The following PCDHGA10 variants were observed in gnomAD, a reference collection of about 807,000 sequenced individuals.
PCDHGA10 encodes the protein protocadherin gamma subfamily A, 10.
In PCDHGA10, 42 loss-of-function variants were observed where a neutral mutation model predicts 59.5. The observed-to-expected ratio is 0.71, with a 90% CI of 0.55 to 0.91. The LOEUF (loss-of-function observed/expected upper bound fraction) is 0.91, where lower values mean the gene tolerates loss of function less well. PCDHGA10 is among the 40% of genes least tolerant of loss of function. The probability of loss-of-function intolerance (pLI) is 0.00; values close to 1 mark genes in which losing one functional copy is unlikely to be tolerated. For synonymous variants in PCDHGA10, 511 were observed against 517.2 expected (o/e 0.99, Z 0.16); for missense variants, 1,111 against 1,198.2 (o/e 0.93, Z 1.07).
intron 3 of PCDHGA10, chr5:141,508,128 T>C (rs1490298338): frequency 6.6e-6 from 1 of 151,706 alleles, no homozygotes; most frequent in African/African-American, 2.4e-5. Context: ...CAGAGGGAGG[T>C]CAGGGAGCTG....
intron 1 of PCDHGA10, chr5:141,430,640 G>A (rs902915974): frequency 1.1e-6 from 1 of 916,196 alleles, no homozygotes; most frequent in East Asian, 2.7e-5. Flanking sequence ...ATCCCTGGGA[G>A]TATGTGGAAA....
At chr5:141,420,211 T>C (rs759486952) in intron 1 of PCDHGA10, 11 of 1,612,388 alleles carry the variant, frequency 6.8e-6, no homozygotes, top group African/African-American at 1.3e-5. Context: ...TCAACAAAGA[T>C]AGCATGCTAC....
In PCDHGA10 at chr5:141,432,582, T is replaced by A. The variant is rs1561862595; in HGVS notation, c.2436+16971T>A. 2 of 1,613,236 alleles carry A rather than the reference T, an allele frequency of 1.2e-6. No homozygotes were observed. The highest frequency in any genetic ancestry group is 1.7e-6 in the Non-Finnish European group (2 of 1,179,922). On this transcript the variant is annotated intron_variant, in intron 1 of 3. Transcript: ENST00000398610. This position sits in a 1 kb window ranked among gnomAD's most constrained non-coding sequence, Gnocchi z 6.0. ...CAGAACGCCTGGCTGTCCTACCGTC[T>A]GCTCAAGGCCAGCGAGCCGGGACTC...
Position 141,490,156 on chromosome 5 carries a change from G to T in PCDHGA10, c.2437-4651G>T. On this transcript the variant is annotated intron_variant, in intron 1 of 3. Coordinates refer to ENST00000398610, the MANE Select transcript of PCDHGA10 (RefSeq NM_018913.3). The surrounding 1 kb of genome is among the most constrained non-coding windows in gnomAD (Gnocchi z 5.4). ...TAGCAGTGGGGCAATCCATGTGTTG[G>T]GTCCCATAGACTTTGAGGAGTCACG... is the stretch of plus-strand genomic sequence containing the variant. 3.1e-6 allele frequency: 5 copies of T among 1,614,192 alleles called. No individual in the cohort carries two copies. Among genetic ancestry groups the T allele is most frequent in the Non-Finnish European group, 4.2e-6 (5 of 1,180,034 alleles).
intron 1 of PCDHGA10, among the ~76,000 whole-genome samples, chr5:141,437,723 G>A (rs2097904411): frequency 6.6e-6 from 1 of 150,736 alleles, no homozygotes; most frequent in South Asian, 2.1e-4. Context: ...ACCCTCTAAT[G>A]TTACACTTTG....
At position 141,487,641 on chromosome 5, in the gene PCDHGA10, T is replaced by C. The variant is rs1343702532; in HGVS notation, c.2437-7166T>C. The stretch of plus-strand genomic sequence containing the variant: ...GTGAGACCTTTGCAGGCTCAACAAA[T>C]GCTTGAGGGTTATTCTGATCCAGGC... On this transcript the variant is annotated intron_variant, in intron 1 of 3. Coordinates refer to ENST00000398610, the MANE Select transcript of PCDHGA10 (RefSeq NM_018913.3). The surrounding 1 kb of genome is among the most constrained non-coding windows in gnomAD (Gnocchi z 5.0). The C allele has an allele frequency of 6.2e-7, 1 of 1,614,122 alleles. No individual in the cohort carries two copies. Among genetic ancestry groups the C allele is most frequent in the Non-Finnish European group, 8.5e-7 (1 of 1,179,998 alleles).
chr5:141,444,472 C>A (rs559334960), intron 1 of PCDHGA10, among the ~76,000 whole-genome samples: 2 of 151,850 alleles, frequency 1.3e-5, no homozygotes, highest in Non-Finnish European at 2.9e-5. Context: ...CGCCCGGTCG[C>A]GTACTGGATT....
At chr5:141,479,619 T>C (rs1327758222) in intron 1 of PCDHGA10, 1 of 152,220 alleles carries the variant, frequency 6.6e-6, no homozygotes, top group Non-Finnish European at 1.5e-5. Flanking sequence ...AGGGAAACCA[T>C]GTCTCTTTAA....
chr5:141,469,436 G>A (rs556417221), intron 1 of PCDHGA10, among the ~76,000 whole-genome samples: 11 of 152,118 alleles, frequency 7.2e-5, no homozygotes, highest in East Asian at 1.9e-4. Flanking sequence ...TTAGCTGGGC[G>A]TGGTGGTGCA....
At position 141,510,984 on chromosome 5, in the gene PCDHGA10, C is replaced by A. The variant is rs375865663; in HGVS notation, c.2622C>A (p.Ala874=). 6.2e-7 allele frequency: 1 copy of A among 1,614,162 alleles called. No individual in the cohort carries two copies. The highest frequency in any genetic ancestry group is 8.5e-7 in the Non-Finnish European group (1 of 1,180,012). The part of the protein sequence containing the change: ...ADGSSTLGGG[A]GTMGLSARYG... The stretch of plus-strand genomic sequence containing the variant: ...GGAGCTCCACCCTGGGAGGGGGTGC[C>A]GGCACCATGGGATTGAGCGCCCGCT... Residue 874 remains alanine, a synonymous_variant, in exon 4 of 4, where the codon GCC becomes GCA. Coordinates refer to ENST00000398610, the MANE Select transcript of PCDHGA10 (RefSeq NM_018913.3).
chr5:141,465,430 C>T (rs1212434943), intron 1 of PCDHGA10, among the ~76,000 whole-genome samples: 2 of 152,150 alleles, frequency 1.3e-5, no homozygotes, highest in Non-Finnish European at 2.9e-5. Context: ...AAGGTGGGCA[C>T]TTAATGATTA....
In PCDHGA10 at chr5:141,505,323, G is replaced by T. The variant is rs996747379; in HGVS notation, c.2496-70G>T. 12 of 1,606,640 alleles carry T rather than the reference G, an allele frequency of 7.5e-6. No homozygotes were observed. In the African/African-American group the frequency reaches 1.5e-4, roughly 20 times the overall value. On this transcript the variant is annotated intron_variant, in intron 2 of 3. Transcript: ENST00000398610. Reference sequence around the variant, plus strand: ...TAGGGTACTAGGTTTGGGAGCCCTGGGAGAGGACAGGAGGGGCATGAGCTG... The same window carrying T: ...TAGGGTACTAGGTTTGGGAGCCCTGTGAGAGGACAGGAGGGGCATGAGCTG...
Position 141,414,899 on chromosome 5 carries a change from G to C in PCDHGA10, c.1724G>C (p.Gly575Ala), listed in dbSNP as rs756810046. ...EILYPALPTD[G>A]STGVELAPRS... The stretch of plus-strand genomic sequence containing the variant: ...CTGTACCCCGCCCTCCCCACAGACG[G>C]TTCCACAGGCGTGGAGCTGGCGCCC... Residue 575 changes from glycine (G) to alanine (A), a missense_variant, in exon 1 of 4, where the codon GGT becomes GCT. Gly to Ala is a moderately conservative substitution (Grantham distance 60). Coordinates refer to ENST00000398610, the MANE Select transcript of PCDHGA10 (RefSeq NM_018913.3). 2.5e-6 allele frequency: 4 copies of C among 1,614,182 alleles called. No individual in the cohort carries two copies. Among genetic ancestry groups the C allele is most frequent in the Non-Finnish European group, 3.4e-6 (4 of 1,180,038 alleles).
chr5:141,431,776 C>T lies in PCDHGA10; in HGVS notation c.2436+16165C>T. 6.2e-7 allele frequency: 1 copy of T among 1,614,228 alleles called. No individual in the cohort carries two copies. The stretch of plus-strand genomic sequence containing the variant: ...CCAAAGTCCTGATCACTGTTCTGGA[C>T]GTGAACGACAATGCCCCAGAAGTGG... On this transcript the variant is annotated intron_variant, in intron 1 of 3. Coordinates refer to ENST00000398610, the MANE Select transcript of PCDHGA10 (RefSeq NM_018913.3). The surrounding 1 kb of genome is among the most constrained non-coding windows in gnomAD (Gnocchi z 4.8).
Position 141,414,533 on chromosome 5 carries a change from C to A in PCDHGA10, c.1358C>A (p.Pro453Gln). Reference protein sequence around the residue: ...MLQVADINDNPPTFSQVSYFT... With the variant: ...MLQVADINDNQPTFSQVSYFT... ...CAAGTGGCAGATATCAATGACAACCCACCTACCTTCTCTCAAGTCTCCTAC... is the reference window on the plus strand; with the variant it reads ...CAAGTGGCAGATATCAATGACAACCAACCTACCTTCTCTCAAGTCTCCTAC... The change falls in exon 1 of 4, where the codon CCA (proline) becomes CAA (glutamine). Residue 453 changes from proline (P) to glutamine (Q), a missense_variant. By Grantham distance (76) the Pro-to-Gln change is moderately conservative. Coordinates refer to ENST00000398610, the MANE Select transcript of PCDHGA10 (RefSeq NM_018913.3). 1 of 1,613,960 alleles carries A rather than the reference C, an allele frequency of 6.2e-7. No individual in the cohort carries two copies. The highest frequency in any genetic ancestry group is 8.5e-7 in the Non-Finnish European group (1 of 1,179,894).
Position 141,490,845 on chromosome 5 carries a change from G to T in PCDHGA10, c.2437-3962G>T, listed in dbSNP as rs748605746. The T allele has an allele frequency of 1.4e-5, 22 of 1,613,726 alleles. No individual in the cohort carries two copies. The highest frequency in any genetic ancestry group is 1.7e-5 in the Non-Finnish European group (20 of 1,179,894). On this transcript the variant is annotated intron_variant, in intron 1 of 3. Coordinates refer to ENST00000398610, the MANE Select transcript of PCDHGA10 (RefSeq NM_018913.3). This position sits in a 1 kb window ranked among gnomAD's most constrained non-coding sequence, Gnocchi z 5.4. ...TGCAGATGCTGCAGATTGTGGTGGG[G>T]GTTCGAGACTCCGGCTCTCCCCCAT...
At chr5:141,433,031 T>G (rs2097561851) in intron 1 of PCDHGA10, 2 of 1,614,088 alleles carry the variant, frequency 1.2e-6, no homozygotes, top group Non-Finnish European at 8.5e-7. Flanking sequence ...CCACGAGGTT[T>G]CCCTCACCAC....
chr5:141,421,530 C>A, intron 1 of PCDHGA10: 1 of 1,614,040 alleles, frequency 6.2e-7, no homozygotes, highest in Non-Finnish European at 8.5e-7. Context: ...AGACGGTGTC[C>A]TCCTGTTTTT....
rs558944208 is a variant in PCDHGA10, at chr5:141,478,187, A to G, written c.2437-16620A>G. On this transcript the variant is annotated intron_variant, in intron 1 of 3. Coordinates refer to ENST00000398610, the MANE Select transcript of PCDHGA10 (RefSeq NM_018913.3). ...CCCCCGGGAGCAGAAAAAAAATCTC[A>G]CCTTTTATCTACTTCTTTCTCTAAT... is the stretch of plus-strand genomic sequence containing the variant. The G allele has an allele frequency of 2.9e-5, 46 of 1,613,548 alleles. No individual in the cohort carries two copies. The highest frequency in any genetic ancestry group is 3.9e-5 in the Non-Finnish European group (46 of 1,179,954).
Sources: allele counts gnomAD v4.1 joint callset (sites outside exome capture counted in the v4.1 genomes callset), GRCh38; gene constraint gnomAD v4.1.1; non-coding constraint Gnocchi (gnomAD v3.1); transcripts MANE v1.5; gene names NCBI Gene and HGNC (gene_info 2026-07-23, HGNC 2026-07-21).